Variants in PDE11A observed in about 807,000 individuals in gnomAD.
PDE11A encodes the protein dual 3',5'-cyclic-AMP and -GMP phosphodiesterase 11A.
A neutral mutation model predicts 100.5 loss-of-function variants in PDE11A; 100 were observed. That is an observed-to-expected ratio of 1.00 (90% CI 0.85 to 1.18). The LOEUF (loss-of-function observed/expected upper bound fraction) is 1.18. Among genes scored for constraint, PDE11A ranks in the 50% most tolerant of loss-of-function variants. PDE11A has a pLI of 0.00. For missense variants in PDE11A, 1,141 were observed against 1,152.6 expected (o/e 0.99, Z 0.15); for synonymous variants, 381 against 420.8 (o/e 0.91, Z 1.16).
At chr2:177,739,363 C>A (rs1369764258) in intron 10 of PDE11A, among the ~76,000 whole-genome samples, 1 of 152,120 alleles carries the variant, frequency 6.6e-6, no homozygotes, top group Admixed American at 6.5e-5. Context: ...GAGGATGGTG[C>A]AAAGCCACTG....
At chr2:178,004,315 T>TTTA (rs1379664430) in intron 2 of PDE11A, among the ~76,000 whole-genome samples, 10 of 152,104 alleles carry the variant, frequency 6.6e-5, no homozygotes, top group Non-Finnish European at 1.0e-4. Flanking sequence ...AGATACCCAA[T>TTTA]TCAAAGATAG....
chr2:177,848,872 A>G lies in PDE11A; in HGVS notation c.1368-8489T>C, dbSNP rs115501292. ...CTTAGCTGAAGGTTCAAATACAGAGAACTGTGTGAAAATAAAAAGACTATC... is the reference window on the plus strand; with the variant it reads ...CTTAGCTGAAGGTTCAAATACAGAGGACTGTGTGAAAATAAAAAGACTATC... On this transcript the variant is annotated intron_variant, in intron 5 of 19. Transcript: ENST00000286063. 7.6e-3 allele frequency among the ~76,000 whole-genome samples: 1,162 copies of G among 152,328 alleles called. 17 individuals carry two copies. Among genetic ancestry groups the G allele is most frequent in the African/African-American group, 0.026 (1,076 of 41,562 alleles).
chr2:177,997,612 T>C (rs1216449896), intron 2 of PDE11A: 9 of 1,145,836 alleles, frequency 7.9e-6, no homozygotes, highest in Non-Finnish European at 1.3e-6. Context: ...TTGTCTGATA[T>C]AAACTTGCAG....
At chr2:177,852,777 C>A (rs1168961655) in intron 5 of PDE11A, among the ~76,000 whole-genome samples, 1 of 152,144 alleles carries the variant, frequency 6.6e-6, no homozygotes, top group Non-Finnish European at 1.5e-5. Context: ...TCAGCTCTTA[C>A]CCTGTGGTAG....
chr2:177,907,490 C>A (rs184509287), intron 2 of PDE11A, among the ~76,000 whole-genome samples: 1 of 152,296 alleles, frequency 6.6e-6, no homozygotes, highest in East Asian at 1.9e-4. Flanking sequence ...ATATGCATTA[C>A]ATCTGTTTTA....
intron 2 of PDE11A, among the ~76,000 whole-genome samples, chr2:178,077,847 G>A (rs2105877000): frequency 6.6e-6 from 1 of 152,072 alleles, no homozygotes; most frequent in African/African-American, 2.4e-5. Flanking sequence ...ATGGAGTGAT[G>A]GGTCTACAAG....
chr2:177,872,216 AAAC>A (rs969845885), intron 5 of PDE11A, among the ~76,000 whole-genome samples: 4 of 152,236 alleles, frequency 2.6e-5, no homozygotes, highest in Non-Finnish European at 4.4e-5. Context: ...AACTGCCTCC[AAAC>A]AACAAATTTA....
intron 1 of PDE11A, among the ~76,000 whole-genome samples, chr2:178,033,100 C>A (rs183980050): frequency 7.0e-4 from 107 of 152,284 alleles, no homozygotes; most frequent in African/African-American, 2.5e-3. Flanking sequence ...ACAAACTCTT[C>A]TGAGCTAAAG....
intron 9 of PDE11A, among the ~76,000 whole-genome samples, chr2:177,775,437 C>G (rs1051625657): frequency 6.6e-6 from 1 of 152,166 alleles, no homozygotes; most frequent in Admixed American, 6.5e-5. Flanking sequence ...CATCTCCCAG[C>G]TGAAAAGTCA....
At chr2:177,753,200 T>C (rs1390156242) in intron 10 of PDE11A, among the ~76,000 whole-genome samples, 1 of 152,186 alleles carries the variant, frequency 6.6e-6, no homozygotes, top group Admixed American at 6.5e-5. Context: ...CTTTCCAACA[T>C]GTAGCCTGAA....
At chr2:177,685,938 A>G (rs1020639074) in intron 15 of PDE11A, among the ~76,000 whole-genome samples, 2 of 152,218 alleles carry the variant, frequency 1.3e-5, no homozygotes, top group Non-Finnish European at 2.9e-5. Flanking sequence ...AAATTCCCCA[A>G]TGATAGAAAT....
In PDE11A at chr2:178,071,862, G is replaced by A; in HGVS notation, c.576C>T (p.Tyr192=). Residue 192 remains tyrosine (Y), a synonymous_variant, in exon 1 of 20, where the codon TAC becomes TAT. Coordinates refer to ENST00000286063, the MANE Select transcript of PDE11A (RefSeq NM_016953.4). ...CATTATGCTTTTTCAGATGGCACTT[G>A]TAGTCGATGGCTGTAGGGGGATACC... ...LPRYPPTAID[Y]KCHLKKHNER... 1 of 1,614,044 alleles carries A rather than the reference G, an allele frequency of 6.2e-7. No individual in the cohort carries two copies. The highest frequency in any genetic ancestry group is 8.5e-7 in the Non-Finnish European group (1 of 1,179,898).
intron 1 of PDE11A, among the ~76,000 whole-genome samples, chr2:178,022,018 G>T (rs574833909): frequency 6.6e-6 from 1 of 152,130 alleles, no homozygotes; most frequent in Non-Finnish European, 1.5e-5. Context: ...GAAGCGAGGG[G>T]TCACTAGAGA....
At chr2:177,865,791 C>A (rs2084018490) in intron 5 of PDE11A, among the ~76,000 whole-genome samples, 1 of 151,936 alleles carries the variant, frequency 6.6e-6, no homozygotes, top group East Asian at 1.9e-4. Context: ...AAGAAATGTC[C>A]AAAATAGACA....
chr2:177,629,013 T>G lies in PDE11A; in HGVS notation c.*394A>C. 1 of 218,400 alleles carries G rather than the reference T, an allele frequency of 4.6e-6. No homozygotes were observed. Among genetic ancestry groups the G allele is most frequent in the Non-Finnish European group, 9.3e-6 (1 of 107,638 alleles). The allele number at this position is 218,400 out of a possible 1,614,324, so 13.5% of individuals were successfully genotyped here. A position where few individuals can be genotyped will look rare whatever the true frequency, so the allele number is the denominator to read the frequency against. The stretch of plus-strand genomic sequence containing the variant: ...AAGCAAAGACAGGCAGTGTTTGGCT[T>G]GTAACAAACAGAAAAGCCCTATACA... On this transcript the variant is annotated 3_prime_UTR_variant, in exon 20 of 20. Coordinates refer to ENST00000286063, the MANE Select transcript of PDE11A (RefSeq NM_016953.4).
intron 5 of PDE11A, among the ~76,000 whole-genome samples, chr2:177,871,241 G>A (rs1270392396): frequency 6.6e-6 from 1 of 151,966 alleles, no homozygotes; most frequent in African/African-American, 2.4e-5. Flanking sequence ...GGTACACTCG[G>A]GGTTGTTTAG....
intron 9 of PDE11A, among the ~76,000 whole-genome samples, chr2:177,797,484 C>T (rs1483854737): frequency 4.6e-5 from 7 of 152,086 alleles, no homozygotes; most frequent in Admixed American, 3.9e-4. Context: ...TAATGCCTGA[C>T]ACATAAGCAT....
rs180956040 is a variant in PDE11A, at chr2:177,840,207, C to T, written c.1500+44G>A. The T allele has an allele frequency of 7.1e-5, 114 of 1,602,848 alleles. No homozygotes were observed. In the East Asian group the frequency reaches 1.5e-3, roughly 22 times the overall value. ...TGTGTTTCAACTGTTTTCAACAGTG[C>T]GACAACTGAAACTTAGGATTGCAAC... On this transcript the variant is annotated intron_variant, in intron 6 of 19. Coordinates refer to ENST00000286063, the MANE Select transcript of PDE11A (RefSeq NM_016953.4).
chr2:178,020,151 C>A (rs2086389115), intron 1 of PDE11A, among the ~76,000 whole-genome samples: 1 of 152,092 alleles, frequency 6.6e-6, no homozygotes, highest in African/African-American at 2.4e-5. Flanking sequence ...TGGGGAGGAA[C>A]AAGAAGAGTG....
Sources: allele counts gnomAD v4.1 joint callset (sites outside exome capture counted in the v4.1 genomes callset), GRCh38; gene constraint gnomAD v4.1.1; transcripts MANE v1.5; gene names NCBI Gene and HGNC (gene_info 2026-07-23, HGNC 2026-07-21).